KIAA1328: variants seen among roughly 807,000 people sequenced by gnomAD.
The protein encoded by KIAA1328 is KIAA1328, also known as protein hinderin.
In KIAA1328, 52 loss-of-function variants were observed where a neutral mutation model predicts 68.1. The ratio of observed to expected loss-of-function variants is 0.76; its 90% CI spans 0.61 to 0.96. KIAA1328 has a LOEUF of 0.96. Among genes scored for constraint, KIAA1328 ranks in the 40% least tolerant of loss-of-function variants. The pLI, the probability that KIAA1328 is intolerant of heterozygous loss-of-function variation, is 0.00. For missense variants in KIAA1328, 641 were observed against 677.6 expected (o/e 0.95, Z 0.60); for synonymous variants, 232 against 239.4 (o/e 0.97, Z 0.28).
chr18:37,228,464 A>G (rs188370570), downstream of KIAA1328, among the ~76,000 whole-genome samples: 233 of 152,192 alleles, frequency 1.5e-3, no homozygotes, highest in Non-Finnish European at 2.1e-3. Context: ...CTGATCAGCA[A>G]CCCACACTGA....
At chr18:37,047,180 AT>A (rs1395475052) in intron 6 of KIAA1328, among the ~76,000 whole-genome samples, 1 of 152,192 alleles carries the variant, frequency 6.6e-6, no homozygotes, top group South Asian at 2.1e-4. Flanking sequence ...TAACTTGCAG[AT>A]TGGAACATTT....
intron 7 of KIAA1328, among the ~76,000 whole-genome samples, chr18:37,142,952 T>TG (rs1223587204): frequency 6.6e-6 from 1 of 151,176 alleles, no homozygotes; most frequent in Non-Finnish European, 1.5e-5. Flanking sequence ...GTTTTTTTTT[T>TG]TTGTTTTTTT....
chr18:37,126,466 C>A (rs1156948650), intron 7 of KIAA1328, among the ~76,000 whole-genome samples: 1 of 151,968 alleles, frequency 6.6e-6, no homozygotes, highest in Non-Finnish European at 1.5e-5. Context: ...TTTTAAAAAA[C>A]CTTCCCCCAA....
intron 5 of KIAA1328, among the ~76,000 whole-genome samples, chr18:36,889,027 A>ACT (rs2048593089): frequency 6.6e-6 from 1 of 152,172 alleles, no homozygotes; most frequent in Non-Finnish European, 1.5e-5. Flanking sequence ...ACAAACACAG[A>ACT]CTAGTGCCTT....
chr18:36,999,879 G>T (rs1598934462), intron 6 of KIAA1328, among the ~76,000 whole-genome samples: 1 of 151,344 alleles, frequency 6.6e-6, no homozygotes, highest in African/African-American at 2.4e-5. Flanking sequence ...GAAGAAAAAA[G>T]AAACAAATGA....
intron 7 of KIAA1328, among the ~76,000 whole-genome samples, chr18:37,126,260 TCAAA>T (rs1038074291): frequency 6.6e-6 from 1 of 152,118 alleles, no homozygotes; most frequent in Non-Finnish European, 1.5e-5. Context: ...CCAAAAGAAC[TCAAA>T]CACTTCTAGT....
chr18:37,081,417 A>G (rs1222647012), intron 7 of KIAA1328, among the ~76,000 whole-genome samples: 1 of 152,208 alleles, frequency 6.6e-6, no homozygotes, highest in Non-Finnish European at 1.5e-5. Context: ...CACAATTTAT[A>G]TTTCTAGGCT....
chr18:36,839,883 T>C (rs2046800861), intron 3 of KIAA1328, among the ~76,000 whole-genome samples: 1 of 152,186 alleles, frequency 6.6e-6, no homozygotes, highest in African/African-American at 2.4e-5. Flanking sequence ...CTACAGAAAT[T>C]GTTTCCACTG....
At chr18:36,844,932 GACCATACCTA>G (rs1315866545) in intron 4 of KIAA1328, among the ~76,000 whole-genome samples, 1 of 151,780 alleles carries the variant, frequency 6.6e-6, no homozygotes, top group Non-Finnish European at 1.5e-5. Context: ...TTTACGGAGA[GACCATACCTA>G]AAAGTTGATA....
chr18:36,889,577 G>A (rs961166434), intron 5 of KIAA1328, among the ~76,000 whole-genome samples: 18 of 152,168 alleles, frequency 1.2e-4, no homozygotes, highest in Non-Finnish European at 1.2e-4. Flanking sequence ...GCACTGAGTA[G>A]CTATCTGATC....
intron 5 of KIAA1328, among the ~76,000 whole-genome samples, chr18:36,918,952 A>G (rs1185722341): frequency 6.6e-5 from 10 of 152,184 alleles, no homozygotes; most frequent in Non-Finnish European, 8.8e-5. Context: ...TTTAAAATTT[A>G]GTGAAACTTG....
intron 6 of KIAA1328, among the ~76,000 whole-genome samples, chr18:37,054,247 T>C (rs1229314289): frequency 6.6e-6 from 1 of 152,134 alleles, no homozygotes; most frequent in Non-Finnish European, 1.5e-5. Flanking sequence ...TGGAAAACAG[T>C]ATGGAGATTT....
rs116147116 is a variant in KIAA1328, at chr18:37,156,104, T to A, written c.1233-4096T>A. 6.5e-3 allele frequency among the ~76,000 whole-genome samples: 982 copies of A among 151,898 alleles called. 14 individuals carry two copies. The highest frequency in any genetic ancestry group is 0.022 in the African/African-American group (911 of 41,426). On this transcript the variant is annotated intron_variant, in intron 7 of 9. Coordinates refer to ENST00000280020, the MANE Select transcript of KIAA1328 (RefSeq NM_020776.3). Reference sequence around the variant, plus strand: ...TCTGTCTCCCCCACTAAAATCTCTTTAAGAATAGGAACCAGGGCTGGGCCG... The same window carrying A: ...TCTGTCTCCCCCACTAAAATCTCTTAAAGAATAGGAACCAGGGCTGGGCCG...
rs535301172 is a variant in KIAA1328, at chr18:37,041,591, C to T, written c.577-25299C>T. 2.7e-5 allele frequency among the ~76,000 whole-genome samples: 4 copies of T among 150,452 alleles called. No homozygotes were observed. The South Asian group carries it at 8.4e-4, about 32-fold the overall frequency. On this transcript the variant is annotated intron_variant, in intron 6 of 9. Coordinates refer to ENST00000280020, the MANE Select transcript of KIAA1328 (RefSeq NM_020776.3). ...ATTTTGCTGTTTTATTTTCTATATGCCCATCGATGTCTTACTCTTGTACTC... is the reference window on the plus strand; with the variant it reads ...ATTTTGCTGTTTTATTTTCTATATGTCCATCGATGTCTTACTCTTGTACTC...
chr18:37,162,798 A>G (rs2154211909), intron 8 of KIAA1328, among the ~76,000 whole-genome samples: 1 of 151,960 alleles, frequency 6.6e-6, no homozygotes, highest in East Asian at 1.9e-4. Flanking sequence ...TTACTACAGG[A>G]CCATTAATCT....
chr18:37,168,994 C>T (rs1023527811), intron 8 of KIAA1328, among the ~76,000 whole-genome samples: 3 of 151,862 alleles, frequency 2.0e-5, no homozygotes, highest in African/African-American at 7.3e-5. Context: ...CTAAATAGGA[C>T]ATGATCCATT....
At chr18:37,016,509 T>G (rs2054158529) in intron 6 of KIAA1328, among the ~76,000 whole-genome samples, 1 of 152,188 alleles carries the variant, frequency 6.6e-6, no homozygotes, top group Non-Finnish European at 1.5e-5. Context: ...TCCTTGATTT[T>G]TAGTAAAAAC....
chr18:37,105,783 G>T (rs189433656), intron 7 of KIAA1328, among the ~76,000 whole-genome samples: 26 of 151,272 alleles, frequency 1.7e-4, no homozygotes, highest in Admixed American at 1.6e-3. Context: ...TTGGCTTGGT[G>T]GCAGGCACCT....
At chr18:36,931,451 G>A (rs531165637) in intron 5 of KIAA1328, among the ~76,000 whole-genome samples, 26 of 152,120 alleles carry the variant, frequency 1.7e-4, no homozygotes, top group African/African-American at 5.1e-4. Context: ...ATCTGAGGTG[G>A]AACAATTTCA....
Sources: gnomAD v4.1 joint callset for allele counts (sites outside exome capture counted in the v4.1 genomes callset) on GRCh38, gnomAD v4.1.1 for gene constraint, MANE v1.5 for transcripts, NCBI Gene and HGNC (gene_info 2026-07-23, HGNC 2026-07-21) for gene names.